The following CCDC154 variants were observed in gnomAD, a reference collection of about 807,000 sequenced individuals.
CCDC154 encodes coiled-coil domain containing 154, also known as coiled-coil domain-containing protein 154.
CCDC154 carries 91 observed loss-of-function variants against 87.5 expected under a neutral mutation model. The observed-to-expected ratio is 1.04, with a 90% CI of 0.88 to 1.24. CCDC154 has a LOEUF of 1.24. Among genes scored for constraint, CCDC154 ranks in the 50% most tolerant of loss-of-function variants. The pLI, the probability that CCDC154 is intolerant of heterozygous loss-of-function variation, is 0.00. For missense variants in CCDC154, 903 were observed against 879.2 expected, an observed-to-expected ratio of 1.03 and a Z score of -0.34; for synonymous variants, 418 against 400.4, an observed-to-expected ratio of 1.04 and a Z score of -0.52.
intron 6 of CCDC154, among the ~76,000 whole-genome samples, chr16:1,441,490 C>A (rs1025303879): frequency 1.1e-4 from 17 of 152,332 alleles, no homozygotes; most frequent in Admixed American, 4.6e-4. Flanking sequence ...TCCCTCCCCA[C>A]CCACAGCGGA....
chr16:1,434,524 A>G lies in CCDC154; in HGVS notation c.1888T>C (p.Trp630Arg). 1 of 1,546,916 alleles carries G rather than the reference A, an allele frequency of 6.5e-7. No homozygotes were observed. Among genetic ancestry groups the G allele is most frequent in the Non-Finnish European group, 8.7e-7 (1 of 1,145,892 alleles). ...GVYQAVRWLR[W>R]KASLIKLRAL... ...CTGAGCTTTATGAGGGACGCCTTCC[A>G]GCGCAGCCACCTGTCCAGAGATGCG... The change falls in exon 17 of 17, where the codon TGG (tryptophan) becomes CGG (arginine). Residue 630 changes from tryptophan (W) to arginine (R), a missense_variant. Transcript: ENST00000389176.
chr16:1,438,197 G>A (rs4984842), intron 9 of CCDC154, 21 bp from the exon 10 acceptor site: 5 of 1,510,844 alleles, frequency 3.3e-6, no homozygotes, highest in Non-Finnish European at 3.6e-6. Context: ...GGGACACATA[G>A]ACACCCTCAG....
At chr16:1,444,292 GC>G in intron 1 of CCDC154, 23 bp downstream of exon 1, 1 of 1,301,858 alleles carries the variant, frequency 7.7e-7, no homozygotes. Context: ...CCCTCCCTGG[GC>G]CCCGCTCCTC....
Position 1,443,938 on chromosome 16 carries a change from G to A in CCDC154, c.82C>T (p.Leu28Phe). ...LRAVTLEDLGLLLAGGLASPE... is the reference protein window; with the variant it reads ...LRAVTLEDLGFLLAGGLASPE... Reference sequence around the variant, plus strand: ...CTGGCCAGGCCTCCTGCCAGGAGGAGCCCCAGGTCTTCCAGGGTGACGGCT... The same window carrying A: ...CTGGCCAGGCCTCCTGCCAGGAGGAACCCCAGGTCTTCCAGGGTGACGGCT... The change falls in exon 2 of 17, where the codon CTC becomes TTC. Residue 28 changes from leucine to phenylalanine, a missense_variant. By Grantham distance (22) the Leu-to-Phe change is conservative. Transcript: ENST00000389176. 7.7e-7 allele frequency: 1 copy of A among 1,303,898 alleles called. No homozygotes were observed. The highest frequency in any genetic ancestry group is 1.5e-5 in the African/African-American group (1 of 66,004). The allele number at this position is 1,303,898 out of a possible 1,614,324, so 80.8% of individuals were successfully genotyped here. A position where few individuals can be genotyped will look rare whatever the true frequency, so the allele number is the denominator to read the frequency against.
At chr16:1,436,127 CG>C in intron 13 of CCDC154, 41 bp from the exon 14 acceptor site, 3 of 1,510,468 alleles carry the variant, frequency 2.0e-6, no homozygotes, top group Non-Finnish European at 9.0e-7. Context: ...CGGGTGTGCT[CG>C]GGGGTAGGGC....
intron 11 of CCDC154, chr16:1,437,058 G>A (rs2038508542): frequency 1.8e-6 from 1 of 545,066 alleles, no homozygotes; most frequent in Non-Finnish European, 3.2e-6. Flanking sequence ...AGGTGCCCGA[G>A]GGAGGCAGGG....
In CCDC154 at chr16:1,435,155, C is replaced by A. The variant is rs1365520131; in HGVS notation, c.1626G>T (p.Lys542Asn). The A allele has an allele frequency of 6.4e-7, 1 of 1,550,478 alleles. No individual in the cohort carries two copies. Among genetic ancestry groups the A allele is most frequent in the African/African-American group, 1.4e-5 (1 of 73,044 alleles). ...KLATFQNQIM[K>N]LENCVQANKT... The stretch of plus-strand genomic sequence containing the variant: ...TGTTGGCCTGGACGCAGTTTTCCAG[C>A]TTCATTATTTGGTTCTGAAACTAAA... The change falls in exon 15 of 17, where the codon AAG becomes AAT. Residue 542 changes from lysine (K) to asparagine (N), a missense_variant. Physicochemically the swap from Lys to Asn is moderately conservative, Grantham distance 94. Transcript: ENST00000389176.
chr16:1,441,158 G>A (rs1366678524), intron 6 of CCDC154, among the ~76,000 whole-genome samples: 1 of 152,114 alleles, frequency 6.6e-6, no homozygotes, highest in Non-Finnish European at 1.5e-5. Context: ...TGCTGCCTCT[G>A]GCCCTAGAGA....
Position 1,438,902 on chromosome 16 carries a change from G to T in CCDC154, c.819C>A (p.Gly273=). ...ASESSRLKLE[G]SLRGELESRW... is the part of the protein sequence containing the mutation. ...GGCTCTCCAGCTCGCCCCGCAGGCTGCCCTCCAGCTTCAGCCGTGAGCTCT... is the reference window on the plus strand; with the variant it reads ...GGCTCTCCAGCTCGCCCCGCAGGCTTCCCTCCAGCTTCAGCCGTGAGCTCT... Residue 273 remains glycine, a synonymous_variant, in exon 8 of 17, where the codon GGC becomes GGA. Coordinates refer to ENST00000389176, the MANE Select transcript of CCDC154 (RefSeq NM_001143980.3). 1 of 1,549,562 alleles carries T rather than the reference G, an allele frequency of 6.5e-7. No individual in the cohort carries two copies. Among genetic ancestry groups the T allele is most frequent in the South Asian group, 1.2e-5 (1 of 84,018 alleles).
rs1259689480 is a variant in CCDC154, at chr16:1,438,080, G to A, written c.1122C>T (p.Ala374=). ...LEAAQLAGEL[A]RQEMHGELVL... ...CCAGCTCTCCATGCATCTCCTGCCG[G>A]GCCAGCTCGCCAGCCAGCTGTGCGG... Residue 374 remains alanine (A), a synonymous_variant, in exon 10 of 17, where the codon GCC becomes GCT. Coordinates refer to ENST00000389176, the MANE Select transcript of CCDC154 (RefSeq NM_001143980.3). 1.3e-6 allele frequency: 2 copies of A among 1,548,622 alleles called. No individual in the cohort carries two copies. The highest frequency in any genetic ancestry group is 1.7e-4 in the Middle Eastern group (1 of 5,980).
At position 1,444,384 on chromosome 16, in the gene CCDC154, G is replaced by T; in HGVS notation, c.-62C>A. 2 of 1,291,268 alleles carry T rather than the reference G, an allele frequency of 1.5e-6. No homozygotes were observed. The highest frequency in any genetic ancestry group is 2.5e-5 in the South Asian group (2 of 79,964). The allele number at this position is 1,291,268 out of a possible 1,614,324, so 80.0% of individuals were successfully genotyped here. On this transcript the variant is annotated 5_prime_UTR_variant, in exon 1 of 17. Transcript: ENST00000389176. ...GTAGCTTGGGCCTTGGGGCCTCTGA[G>T]GTTGCCCAGAGCTGGGCACAGGCCA...
chr16:1,440,343 G>C (rs1220668585), intron 6 of CCDC154, among the ~76,000 whole-genome samples: 1 of 151,454 alleles, frequency 6.6e-6, no homozygotes, highest in African/African-American at 2.4e-5. Context: ...CCAGCTCCTT[G>C]GGAGGCTGAG....
chr16:1,437,244 C>G (rs2142351778), intron 11 of CCDC154: 1 of 210,254 alleles, frequency 4.8e-6, no homozygotes, highest in Middle Eastern at 2.0e-3. Flanking sequence ...AAACGGGATG[C>G]CCGTGGGTGT....
At chr16:1,443,467 A>G in intron 3 of CCDC154, 39 bp downstream of exon 3, 1 of 1,435,754 alleles carries the variant, frequency 7.0e-7, no homozygotes, top group East Asian at 2.6e-5. Context: ...AACACCCAGG[A>G]AAGGGGCAGC....
intron 6 of CCDC154, among the ~76,000 whole-genome samples, chr16:1,441,502 G>A (rs1475972022): frequency 2.6e-5 from 4 of 152,182 alleles, no homozygotes; most frequent in Admixed American, 2.6e-4. Context: ...CACAGCGGAG[G>A]CCCCTGCTGA....
intron 16 of CCDC154, 26 bp downstream of exon 16, chr16:1,434,642 G>C: frequency 6.5e-7 from 1 of 1,541,470 alleles, no homozygotes; most frequent in Non-Finnish European, 8.7e-7. Context: ...GGCCCAGGAG[G>C]CCGCGCCGGG....
Position 1,436,778 on chromosome 16 carries a change from AC to A in CCDC154, c.1323del (p.Lys441AsnfsTer13), listed in dbSNP as rs1296209985. On this transcript the variant is annotated frameshift_variant, in exon 12 of 17. Coordinates refer to ENST00000389176, the MANE Select transcript of CCDC154 (RefSeq NM_001143980.3). LOFTEE classifies it high-confidence loss of function. ...AKTEWEGAERKSLEDLARWRK... is the reference protein window; with the variant it reads ...AKTEWEGAERXSLEDLARWRK... ...CGCCACCTGGCCAGGTCCTCCAGGG[AC>A]TTCCTCTCTGCACCTTCCCATTCGG... 7 of 1,550,304 alleles carry A rather than the reference AC, an allele frequency of 4.5e-6. No homozygotes were observed. The highest frequency in any genetic ancestry group is 6.1e-6 in the Non-Finnish European group (7 of 1,146,898).
At chr16:1,443,105 A>T in intron 4 of CCDC154, 130 bp from the exon 5 acceptor site, 1 of 1,361,732 alleles carries the variant, frequency 7.3e-7, no homozygotes, top group South Asian at 1.3e-5. Context: ...CCGCCCAGGC[A>T]CGTACAAACC....
chr16:1,434,913 C>A, intron 15 of CCDC154, 61 bp from the exon 16 acceptor site: 1 of 1,453,806 alleles, frequency 6.9e-7, no homozygotes, highest in East Asian at 2.5e-5. Flanking sequence ...GGATGGCAAA[C>A]GGGGGCTTAT....
Sources: allele counts gnomAD v4.1 joint callset (sites outside exome capture counted in the v4.1 genomes callset), GRCh38; gene constraint gnomAD v4.1.1; transcripts MANE v1.5; gene names NCBI Gene and HGNC (gene_info 2026-07-23, HGNC 2026-07-21).